Variants in ARSF observed in about 807,000 individuals in gnomAD.
ARSF encodes arylsulfatase F.
In ARSF, 33 loss-of-function variants were observed where a neutral mutation model predicts 35.4. The ratio of observed to expected loss-of-function variants is 0.93; its 90% CI spans 0.71 to 1.25. The LOEUF (loss-of-function observed/expected upper bound fraction) is 1.25, where lower values mean the gene tolerates loss of function less well. Ranked by LOEUF, ARSF falls within the 50% of genes most tolerant of loss-of-function variation. The probability of loss-of-function intolerance (pLI) is 0.00; values close to 1 mark genes in which losing one functional copy is unlikely to be tolerated. For synonymous variants in ARSF, 222 were observed against 193.1 expected (o/e 1.15, Z -1.24); for missense variants, 501 against 480.2 (o/e 1.04, Z -0.40).
chrX:3,101,073 G>A lies in ARSF; in HGVS notation c.968-14G>A, dbSNP rs11798999. On this transcript the variant is annotated splice_polypyrimidine_tract_variant and intron_variant, in intron 7 of 10. Transcript: ENST00000381127. ...ATGTCATTATTTTTACTTGTCTCTT[G>A]TATATTATTTTAGGCAAGATTCTTG... The A allele has an allele frequency of 0.15, 184,191 of 1,202,817 alleles. 10,056 individuals carry two copies. Among genetic ancestry groups the A allele is most frequent in the Middle Eastern group, 0.2 (848 of 4,328 alleles).
rs746558006 is a variant in ARSF at position 3,112,655 on chromosome X, G to T, written c.*99G>T. 1 of 1,040,042 alleles carries T rather than the reference G, an allele frequency of 9.6e-7. No individual in the cohort carries two copies. Among genetic ancestry groups the T allele is most frequent in the East Asian group, 3.3e-5 (1 of 30,142 alleles). 85.7% of individuals were successfully genotyped at this position (1,040,042 alleles called of 1,213,427 possible). A position where few individuals can be genotyped will look rare whatever the true frequency, so the allele number is the denominator to read the frequency against. ...GCACTAACTTTGGTGCTTTCAAGTT[G>T]GCAAGGAGTGCATTTAATAGTCAAT... is the stretch of plus-strand genomic sequence containing the variant. On this transcript the variant is annotated 3_prime_UTR_variant, in exon 11 of 11. Transcript: ENST00000381127.
intron 7 of ARSF, among the ~76,000 whole-genome samples, chrX:3,093,424 C>A (rs993582763): frequency 9.0e-6 from 1 of 111,205 alleles, no homozygotes; most frequent in Admixed American, 9.6e-5. Context: ...TCCTTCTCCC[C>A]TTTTGGAGTC....
At chrX:3,048,106 C>T (rs888311405) in intron 1 of ARSF, among the ~76,000 whole-genome samples, 2 of 111,726 alleles carry the variant, frequency 1.8e-5, no homozygotes, top group African/African-American at 6.5e-5. Flanking sequence ...CCAGGTCCCT[C>T]CCACAACAAT....
intron 1 of ARSF, among the ~76,000 whole-genome samples, chrX:3,064,024 G>A (rs968548104): frequency 1.3e-4 from 15 of 111,628 alleles, no homozygotes; most frequent in Admixed American, 8.6e-4. Flanking sequence ...GAACAAAGCC[G>A]GAGGCACCAT....
chrX:3,046,386 C>A (rs932817969), intron 1 of ARSF, among the ~76,000 whole-genome samples: 1 of 111,411 alleles, frequency 9.0e-6, no homozygotes, highest in African/African-American at 3.3e-5. Context: ...GATTTGGGGG[C>A]TCCTTTTTAA....
chrX:3,070,636 G>T (rs1322416138), intron 2 of ARSF, among the ~76,000 whole-genome samples: 1 of 111,134 alleles, frequency 9.0e-6, no homozygotes, highest in Non-Finnish European at 1.9e-5. Flanking sequence ...ACATGGATAA[G>T]TTCTTTAGTG....
Position 3,068,165 on chromosome X carries a change from T to C in ARSF, c.11+54T>C, listed in dbSNP as rs1603464276. 7 of 1,096,775 alleles carry C rather than the reference T, an allele frequency of 6.4e-6. No individual in the cohort carries two copies. The East Asian group carries it at 9.3e-5, about 15-fold the overall frequency. 90.4% of individuals were successfully genotyped at this position (1,096,775 alleles called of 1,213,427 possible). A position where few individuals can be genotyped will look rare whatever the true frequency, so the allele number is the denominator to read the frequency against. ...GCACATTGAATCTAATGTATAATTCTGTGTATTTGTGAATCCAGCCTTATA... is the reference window on the plus strand; with the variant it reads ...GCACATTGAATCTAATGTATAATTCCGTGTATTTGTGAATCCAGCCTTATA... On this transcript the variant is annotated intron_variant, in intron 2 of 10. Coordinates refer to ENST00000381127, the MANE Select transcript of ARSF (RefSeq NM_001201539.2).
chrX:3,101,091 G>A lies in ARSF; in HGVS notation c.972G>A (p.Lys324=). Reference sequence around the variant, plus strand: ...GTCTCTTGTATATTATTTTAGGCAAGATTCTTGATGCTATCGATGATTTTG... The same window carrying A: ...GTCTCTTGTATATTATTTTAGGCAAAATTCTTGATGCTATCGATGATTTTG... ...NVEEMDSMVG[K]ILDAIDDFGL... The change falls in exon 8 of 11, where the codon AAG becomes AAA. Residue 324 remains lysine (K), a synonymous_variant. Transcript: ENST00000381127. 8.3e-7 allele frequency: 1 copy of A among 1,208,670 alleles called. No homozygotes were observed. The highest frequency in any genetic ancestry group is 1.8e-5 in the South Asian group (1 of 56,490).
Position 3,079,563 on chromosome X carries a change from C to T in ARSF, c.284-1328C>T, listed in dbSNP as rs763506558. Among the ~76,000 whole-genome samples, 29 of 108,720 alleles carry T rather than the reference C, an allele frequency of 2.7e-4. No homozygotes were observed. The South Asian group carries it at 0.011, about 42-fold the overall frequency. 94.4% of individuals were successfully genotyped at this position (108,720 alleles called of 115,157 possible). On this transcript the variant is annotated intron_variant, in intron 4 of 10. Transcript: ENST00000381127. ...TTCCCCATATTGGTCAGGCTGGTCT[C>T]GAACTCCTGACTTCAGGTAATCCCC...
chrX:3,110,561 A>G (rs997359680), intron 10 of ARSF, among the ~76,000 whole-genome samples: 1 of 112,609 alleles, frequency 8.9e-6, no homozygotes, highest in Admixed American at 9.4e-5. Flanking sequence ...AGATGTATGA[A>G]CATAAGATTT....
intron 1 of ARSF, among the ~76,000 whole-genome samples, chrX:3,049,676 A>G (rs1376687475): frequency 9.0e-6 from 1 of 110,598 alleles, no homozygotes; most frequent in Non-Finnish European, 1.9e-5. Flanking sequence ...AGAAAATGGG[A>G]GGCAGGTTTT....
rs1339787840 is a variant in ARSF, at chrX:3,104,472, G to A, written c.1265+548G>A. ...TTTTTAAAAAGTTAATTTGTCTGCC[G>A]ATAGGTGGTTAGGTTGATTCTATAG... On this transcript the variant is annotated intron_variant, in intron 9 of 10. Coordinates refer to ENST00000381127, the MANE Select transcript of ARSF (RefSeq NM_001201539.2). 2.7e-5 allele frequency among the ~76,000 whole-genome samples: 3 copies of A among 111,971 alleles called. No individual in the cohort carries two copies. The East Asian group carries it at 8.4e-4, about 31-fold the overall frequency.
At chrX:3,042,836 G>A (rs1201055751) in intron 1 of ARSF, among the ~76,000 whole-genome samples, 1 of 110,674 alleles carries the variant, frequency 9.0e-6, no homozygotes, top group Admixed American at 9.7e-5. Context: ...ATGAAATATG[G>A]TAAAAGGAAC....
chrX:3,066,654 T>A (rs952853805), intron 1 of ARSF, among the ~76,000 whole-genome samples: 11 of 111,875 alleles, frequency 9.8e-5, no homozygotes, highest in African/African-American at 3.6e-4. Context: ...TTTCTTTTCC[T>A]GGGTGTGTAG....
intron 4 of ARSF, among the ~76,000 whole-genome samples, chrX:3,078,745 C>G (rs1176308473): frequency 9.0e-6 from 1 of 111,387 alleles, no homozygotes; most frequent in East Asian, 2.8e-4. Flanking sequence ...AGTGATCGGC[C>G]CACCTCGGCC....
Position 3,103,947 on chromosome X carries a change from C to T in ARSF, c.1265+23C>T. On this transcript the variant is annotated intron_variant, in intron 9 of 10. Transcript: ENST00000381127. ...CAGGTGATGTCATATAAACTGTTAA[C>T]AAGAGCTTATTTTCACCCTTCTTCC... 4.2e-6 allele frequency: 5 copies of T among 1,196,990 alleles called. No individual in the cohort carries two copies. In the South Asian group the frequency reaches 5.4e-5, roughly 13 times the overall value.
intron 1 of ARSF, among the ~76,000 whole-genome samples, chrX:3,063,737 C>T (rs2090051885): frequency 9.0e-6 from 1 of 111,514 alleles, no homozygotes; most frequent in Non-Finnish European, 1.9e-5. Flanking sequence ...ACCTAGGAAT[C>T]CAACTTACAA....
chrX:3,101,295 G>T, intron 8 of ARSF, 74 bp downstream of exon 8: 1 of 1,086,409 alleles, frequency 9.2e-7, no homozygotes, highest in South Asian at 2.5e-5. Flanking sequence ...TAAAGCCCAT[G>T]ACACAAAGGA....
chrX:3,101,196 T>C lies in ARSF; in HGVS notation c.1077T>C (p.Leu359=), dbSNP rs757779746. ...HLEARRGHAQ[L]GGWNGIYKGG... Reference sequence around the variant, plus strand: ...AAGCTAGGCGAGGGCATGCCCAACTTGGTGGATGGAATGGAATATACAAAG... The same window carrying C: ...AAGCTAGGCGAGGGCATGCCCAACTCGGTGGATGGAATGGAATATACAAAG... Residue 359 remains leucine (L), a synonymous_variant, in exon 8 of 11, where the codon CTT becomes CTC. Transcript: ENST00000381127. 1.7e-6 allele frequency: 2 copies of C among 1,211,047 alleles called. No homozygotes were observed. Among genetic ancestry groups the C allele is most frequent in the South Asian group, 3.5e-5 (2 of 56,889 alleles).
Sources: gnomAD v4.1 joint callset for allele counts (sites outside exome capture counted in the v4.1 genomes callset) on GRCh38, gnomAD v4.1.1 for gene constraint, MANE v1.5 for transcripts, NCBI Gene and HGNC (gene_info 2026-07-23, HGNC 2026-07-21) for gene names.